TFPI: variants seen among roughly 807,000 people sequenced by gnomAD.
The protein encoded by TFPI is tissue factor pathway inhibitor, also known as anti-convertin.
Under a neutral mutation model 34.6 loss-of-function variants are expected in TFPI, and 15 were observed. The ratio of observed to expected loss-of-function variants is 0.43; its 90% CI spans 0.29 to 0.67. The LOEUF is 0.67. Ranked by LOEUF, TFPI falls within the 30% of genes least tolerant of loss-of-function variation. The pLI, the probability that TFPI is intolerant of heterozygous loss-of-function variation, is 0.15. For missense variants in TFPI, 301 were observed against 364.0 expected (o/e 0.83, Z 1.41); for synonymous variants, 105 against 120.1 (o/e 0.87, Z 0.82).
intron 1 of TFPI, among the ~76,000 whole-genome samples, chr2:187,542,523 G>A (rs1441562411): frequency 6.6e-6 from 1 of 152,000 alleles, no homozygotes; most frequent in African/African-American, 2.4e-5. Context: ...AAAATGTGAA[G>A]GTTTGATGTT....
intron 1 of TFPI, among the ~76,000 whole-genome samples, chr2:187,550,065 C>T (rs537332816): frequency 3.3e-5 from 5 of 152,058 alleles, no homozygotes; most frequent in East Asian, 1.9e-4. Context: ...CCAGTGGTCT[C>T]GCTGAGTTTG....
intron 1 of TFPI, among the ~76,000 whole-genome samples, chr2:187,526,419 G>A (rs1402622421): frequency 6.6e-6 from 1 of 151,818 alleles, no homozygotes; most frequent in Non-Finnish European, 1.5e-5. Context: ...AAAAAACCTC[G>A]AAAGGAATAG....
intron 6 of TFPI, chr2:187,478,446 GA>G (rs1005132388): frequency 1.2e-5 from 5 of 422,918 alleles, no homozygotes; most frequent in Non-Finnish European, 2.0e-5. Context: ...TAAAAATCAG[GA>G]AAAAAATGAC....
At chr2:187,467,576 G>T (rs951741467) in intron 7 of TFPI, among the ~76,000 whole-genome samples, 177 bp downstream of exon 7, 38 of 152,018 alleles carry the variant, frequency 2.5e-4, no homozygotes, top group Admixed American at 2.0e-3. Context: ...GACATTAAAA[G>T]AAATTACAGT....
intron 2 of TFPI, 146 bp downstream of exon 2, chr2:187,503,501 AT>A: frequency 1.0e-5 from 9 of 884,502 alleles, no homozygotes; most frequent in Non-Finnish European, 1.2e-5. Context: ...ACACACACAC[AT>A]ACATTAGGTA....
At chr2:187,532,581 C>G (rs185792552) in intron 1 of TFPI, among the ~76,000 whole-genome samples, 1 of 152,246 alleles carries the variant, frequency 6.6e-6, no homozygotes, top group Non-Finnish European at 1.5e-5. Context: ...GTCTTTGCAA[C>G]CCGCAGACCA....
At chr2:187,487,996 A>G (rs1215242241) in intron 4 of TFPI, among the ~76,000 whole-genome samples, 2 of 151,394 alleles carry the variant, frequency 1.3e-5, no homozygotes, top group Non-Finnish European at 3.0e-5. Context: ...GCTCTGGACT[A>G]TGATTGAACT....
chr2:187,475,959 T>C (rs1692343767), intron 6 of TFPI, among the ~76,000 whole-genome samples: 1 of 152,192 alleles, frequency 6.6e-6, no homozygotes. Flanking sequence ...AGTTGAAGTT[T>C]CCTAAGTTTG....
intron 1 of TFPI, among the ~76,000 whole-genome samples, chr2:187,532,822 T>C (rs1430348860): frequency 6.6e-6 from 1 of 152,080 alleles, no homozygotes; most frequent in East Asian, 1.9e-4. Context: ...CAAGCTAAGA[T>C]CCACTGGTTT....
intron 1 of TFPI, among the ~76,000 whole-genome samples, chr2:187,550,066 G>A (rs145910192): frequency 1.3e-5 from 2 of 152,130 alleles, no homozygotes; most frequent in Admixed American, 1.3e-4. Context: ...CAGTGGTCTC[G>A]CTGAGTTTGG....
In TFPI at chr2:187,484,216, G is replaced by A. The variant is rs140515889; in HGVS notation, c.536C>T (p.Pro179Leu). 2.3e-3 allele frequency: 3,733 copies of A among 1,609,460 alleles called. 6 individuals are homozygous for A. Among genetic ancestry groups the A allele is most frequent in the Admixed American group, 3.3e-3 (193 of 59,278 alleles). The change falls in exon 6 of 8, where the codon CCG becomes CTG. Residue 179 changes from proline (P) to leucine (L), a missense_variant and splice_region_variant. Transcript: ENST00000233156. Reference sequence around the variant, plus strand: ...ATAATTATCCACCTGGAAACCATTCGCTGGAAAAAAATACAGCCAATTAAA... The same window carrying A: ...ATAATTATCCACCTGGAAACCATTCACTGGAAAAAAATACAGCCAATTAAA... The part of the protein sequence containing the change: ...EECKNICEDG[P>L]NGFQVDNYGT...
At chr2:187,520,196 G>A (rs1574485597) in intron 1 of TFPI, among the ~76,000 whole-genome samples, 1 of 152,028 alleles carries the variant, frequency 6.6e-6, no homozygotes, top group South Asian at 2.1e-4. Flanking sequence ...ACTGGGGTAT[G>A]AAAAAAACTC....
intron 2 of TFPI, among the ~76,000 whole-genome samples, chr2:187,502,906 G>A (rs1354454720): frequency 6.6e-6 from 1 of 152,098 alleles, no homozygotes; most frequent in East Asian, 1.9e-4. Context: ...TGCATTTATG[G>A]AAATCTTTTT....
rs889151292 is a variant in TFPI at position 187,466,658 on chromosome 2, C to T, written c.*278G>A. 5.5e-5 allele frequency: 13 copies of T among 236,444 alleles called. No individual in the cohort carries two copies. The highest frequency in any genetic ancestry group is 1.1e-4 in the Admixed American group (2 of 17,864). 14.6% of individuals were successfully genotyped at this position (236,444 alleles called of 1,614,324 possible). On this transcript the variant is annotated 3_prime_UTR_variant, in exon 8 of 8. Transcript: ENST00000233156. ...AATCAAAGGACTGATTTGATGTAGC[C>T]GGTAGTATGATAATTTGTAGTTAAA...
chr2:187,469,087 A>G (rs1240018748), intron 6 of TFPI, among the ~76,000 whole-genome samples: 1 of 151,972 alleles, frequency 6.6e-6, no homozygotes, highest in Non-Finnish European at 1.5e-5. Flanking sequence ...GTGAGAAAAA[A>G]ATGAAAAAAA....
At position 187,464,851 on chromosome 2, in the gene TFPI, G is replaced by T. The variant is rs1007865505; in HGVS notation, c.*2085C>A. 1.3e-5 allele frequency: 2 copies of T among 152,188 alleles called. No individual in the cohort carries two copies. Among genetic ancestry groups the T allele is most frequent in the Admixed American group, 6.5e-5 (1 of 15,270 alleles). 9.4% of individuals were successfully genotyped at this position (152,188 alleles called of 1,614,324 possible). ...AAATTTGTATACCATAGTAGAAAAT[G>T]ATTTGCAATTATGTGTTAGGACTTT... On this transcript the variant is annotated 3_prime_UTR_variant, in exon 8 of 8. Transcript: ENST00000233156.
At chr2:187,490,782 T>A (rs912030802) in intron 3 of TFPI, among the ~76,000 whole-genome samples, 1 of 151,826 alleles carries the variant, frequency 6.6e-6, no homozygotes, top group Non-Finnish European at 1.5e-5. Flanking sequence ...GTTTCTCATT[T>A]CTTCTTTGTT....
chr2:187,536,006 A>G (rs1396666004), intron 1 of TFPI, among the ~76,000 whole-genome samples: 2 of 152,220 alleles, frequency 1.3e-5, no homozygotes, highest in African/African-American at 2.4e-5. Flanking sequence ...ATTCCTGGAC[A>G]CATACAACCT....
chr2:187,503,376 T>C (rs1417288794), intron 2 of TFPI, among the ~76,000 whole-genome samples: 2 of 151,788 alleles, frequency 1.3e-5, no homozygotes, highest in Non-Finnish European at 2.9e-5. Context: ...TACTCCAGTG[T>C]TTAATATTGT....
Sources: gnomAD v4.1 joint callset for allele counts (sites outside exome capture counted in the v4.1 genomes callset) on GRCh38, gnomAD v4.1.1 for gene constraint, MANE v1.5 for transcripts, NCBI Gene and HGNC (gene_info 2026-07-23, HGNC 2026-07-21) for gene names.